Variants in CDH13 observed in about 807,000 individuals in gnomAD.
CDH13 encodes the protein cadherin 13, also known as cadherin-13.
CDH13 carries 24 observed loss-of-function variants against 63.8 expected under a neutral mutation model. The observed-to-expected ratio is 0.38, with a 90% CI of 0.27 to 0.53. CDH13 has a LOEUF of 0.53. Ranked by LOEUF, CDH13 falls within the 20% of genes least tolerant of loss-of-function variation. The pLI, the probability that CDH13 is intolerant of heterozygous loss-of-function variation, is 0.85. For synonymous variants in CDH13, 503 were observed against 355.3 expected, an observed-to-expected ratio of 1.42 and a Z score of -4.67; for missense variants, 1,049 against 903.1, an observed-to-expected ratio of 1.16 and a Z score of -2.07.
chr16:83,353,173 T>A (rs1373237186), intron 6 of CDH13, among the ~76,000 whole-genome samples: 1 of 152,260 alleles, frequency 6.6e-6, no homozygotes. Flanking sequence ...GTCAGCACTC[T>A]GCCACATGTC....
chr16:82,871,923 A>C (rs1017817156), intron 2 of CDH13, among the ~76,000 whole-genome samples: 3 of 152,182 alleles, frequency 2.0e-5, no homozygotes, highest in Non-Finnish European at 4.4e-5. Context: ...CCAGTGTTCC[A>C]GCAAATATCT....
intron 10 of CDH13, among the ~76,000 whole-genome samples, chr16:83,716,620 A>G (rs1346108702): frequency 6.6e-6 from 1 of 152,024 alleles, no homozygotes; most frequent in Non-Finnish European, 1.5e-5. Context: ...AGTAGCTGGG[A>G]CTACAGGCAC....
At chr16:83,418,734 A>G (rs1274097681) in intron 6 of CDH13, among the ~76,000 whole-genome samples, 1 of 152,178 alleles carries the variant, frequency 6.6e-6, no homozygotes, top group African/African-American at 2.4e-5. Context: ...GATGAGTGCT[A>G]GGACATTGTC....
At chr16:83,281,226 T>G (rs1176244935) in intron 5 of CDH13, among the ~76,000 whole-genome samples, 1 of 152,274 alleles carries the variant, frequency 6.6e-6, no homozygotes, top group African/African-American at 2.4e-5. Context: ...GCAGCTTCTA[T>G]ATCAGCACTC....
chr16:83,088,894 C>A (rs932957789), intron 3 of CDH13, among the ~76,000 whole-genome samples: 3 of 152,170 alleles, frequency 2.0e-5, no homozygotes, highest in Non-Finnish European at 4.4e-5. Flanking sequence ...TAGCCCACTA[C>A]CTGTTTTTGT....
At chr16:83,014,306 G>A in intron 2 of CDH13, among the ~76,000 whole-genome samples, 2 of 116,526 alleles carry the variant, frequency 1.7e-5, no homozygotes, top group Non-Finnish European at 1.7e-5. Flanking sequence ...ACAACTCTTA[G>A]AGCCCAAATC....
intron 7 of CDH13, among the ~76,000 whole-genome samples, chr16:83,586,271 C>T (rs901549400): frequency 6.6e-6 from 1 of 152,154 alleles, no homozygotes; most frequent in African/African-American, 2.4e-5. Context: ...TTTTTCTTCC[C>T]ACCGGCACAG....
chr16:83,594,607 G>A (rs1017477101), intron 7 of CDH13, among the ~76,000 whole-genome samples: 3 of 152,148 alleles, frequency 2.0e-5, no homozygotes, highest in African/African-American at 4.8e-5. Context: ...AAAGAAATTC[G>A]GTCTAGACAA....
chr16:83,484,722 C>G (rs2073848170), intron 6 of CDH13, among the ~76,000 whole-genome samples: 1 of 152,156 alleles, frequency 6.6e-6, no homozygotes, highest in Non-Finnish European at 1.5e-5. Flanking sequence ...TAGAGTTGTT[C>G]TATGCACTTA....
chr16:83,273,172 A>AT (rs11477142), intron 5 of CDH13, among the ~76,000 whole-genome samples: 13 of 151,256 alleles, frequency 8.6e-5, no homozygotes, highest in South Asian at 2.1e-4. Context: ...AATAATATCA[A>AT]TTTTTTTTTC....
intron 4 of CDH13, among the ~76,000 whole-genome samples, chr16:83,188,112 G>T (rs889508987): frequency 2.6e-5 from 4 of 152,182 alleles, no homozygotes; most frequent in African/African-American, 9.7e-5. Flanking sequence ...CCACCATGAG[G>T]ACTTTGGCCT....
chr16:83,030,852 C>G (rs1052225127), intron 2 of CDH13, among the ~76,000 whole-genome samples: 1 of 151,906 alleles, frequency 6.6e-6, no homozygotes, highest in Non-Finnish European at 1.5e-5. Context: ...CCACCCTTCC[C>G]TTCTAGATCC....
intron 1 of CDH13, among the ~76,000 whole-genome samples, chr16:82,659,433 G>T (rs1001331131): frequency 5.9e-5 from 9 of 152,202 alleles, no homozygotes; most frequent in African/African-American, 2.2e-4. Context: ...GGCACTGTCT[G>T]CATGTACTTG....
Position 83,406,422 on chromosome 16 carries a change from C to G in CDH13, c.781+61416C>G, listed in dbSNP as rs575095744. ...GAACCCCAGCTCTCTTTCTTTCCCC[C>G]CCCGCCTCTCTCTCTGTCTCTCTCC... On this transcript the variant is annotated intron_variant, in intron 6 of 13. Transcript: ENST00000567109. 4.2e-3 allele frequency among the ~76,000 whole-genome samples: 630 copies of G among 149,770 alleles called. 6 individuals carry two copies. The highest frequency in any genetic ancestry group is 3.7e-3 in the Non-Finnish European group (250 of 67,020).
At position 83,493,547 on chromosome 16, in the gene CDH13, A is replaced by T. The variant is rs757392578; in HGVS notation, c.960+6892A>T. Among the ~76,000 whole-genome samples, 11 of 152,170 alleles carry T rather than the reference A, an allele frequency of 7.2e-5. No homozygotes were observed. In the South Asian group the frequency reaches 2.3e-3, roughly 32 times the overall value. ...GGCTGTGTGGAAACCTGGAGTGCGG[A>T]AGCAGAAGGAAGGGCATCGTGGGGA... is the stretch of plus-strand genomic sequence containing the variant. On this transcript the variant is annotated intron_variant, in intron 7 of 13. Transcript: ENST00000567109.
intron 1 of CDH13, among the ~76,000 whole-genome samples, chr16:82,837,359 G>C (rs1226123996): frequency 2.6e-5 from 4 of 152,146 alleles, no homozygotes; most frequent in Admixed American, 6.5e-5. Flanking sequence ...TTCTGGCACA[G>C]AACAAATGAA....
intron 6 of CDH13, among the ~76,000 whole-genome samples, chr16:83,401,520 ATAAAG>A (rs1163634757): frequency 6.6e-6 from 1 of 152,122 alleles, no homozygotes; most frequent in Non-Finnish European, 1.5e-5. Flanking sequence ...TCAAAATAAA[ATAAAG>A]TAAAATAAAA....
intron 1 of CDH13, among the ~76,000 whole-genome samples, chr16:82,687,895 G>A (rs1294179257): frequency 6.6e-6 from 1 of 152,126 alleles, no homozygotes; most frequent in African/African-American, 2.4e-5. Context: ...GCTAAGTAAG[G>A]AGCTTCAAGG....
intron 5 of CDH13, among the ~76,000 whole-genome samples, chr16:83,297,675 A>T (rs1028555834): frequency 1.3e-5 from 2 of 152,112 alleles, no homozygotes; most frequent in African/African-American, 4.8e-5. Context: ...CATAACTTCA[A>T]CCAGTCAAGG....
Sources: allele counts gnomAD v4.1 joint callset (sites outside exome capture counted in the v4.1 genomes callset), GRCh38; gene constraint gnomAD v4.1.1; transcripts MANE v1.5; gene names NCBI Gene and HGNC (gene_info 2026-07-23, HGNC 2026-07-21).